The following MSI2 variants were observed in gnomAD, a reference collection of about 807,000 sequenced individuals.
The protein encoded by MSI2 is musashi RNA binding protein 2.
A neutral mutation model predicts 45.6 loss-of-function variants in MSI2; 17 were observed. The observed-to-expected ratio is 0.37, with a 90% CI of 0.26 to 0.56. The LOEUF is 0.56. Ranked by LOEUF, MSI2 falls within the 20% of genes least tolerant of loss-of-function variation. The pLI, the probability that MSI2 is intolerant of heterozygous loss-of-function variation, is 0.77. For missense variants in MSI2, 293 were observed against 444.2 expected (o/e 0.66, Z 3.06); for synonymous variants, 156 against 158.2 (o/e 0.99, Z 0.11).
At chr17:57,363,766 C>T (rs907758383) in intron 5 of MSI2, among the ~76,000 whole-genome samples, 1 of 134,936 alleles carries the variant, frequency 7.4e-6, no homozygotes, top group African/African-American at 3.1e-5. Context: ...GCAACAACAA[C>T]AACAACAAAC....
intron 11 of MSI2, among the ~76,000 whole-genome samples, chr17:57,656,123 G>A (rs1248801607): frequency 1.3e-5 from 2 of 152,074 alleles, no homozygotes; most frequent in South Asian, 2.1e-4. Context: ...AGGATAGTGC[G>A]GGGACCAGGA....
the MSI2 span, among the ~76,000 whole-genome samples, chr17:57,694,645 T>C: frequency 6.6e-6 from 1 of 152,170 alleles, no homozygotes; most frequent in Non-Finnish European, 1.5e-5. Flanking sequence ...AGACATACAT[T>C]GAAAGTATGT....
chr17:57,324,858 G>C (rs1242640736), intron 5 of MSI2, among the ~76,000 whole-genome samples: 1 of 152,216 alleles, frequency 6.6e-6, no homozygotes, highest in Non-Finnish European at 1.5e-5. Flanking sequence ...GGCAGGGACT[G>C]ACTGGGCCAC....
chr17:57,261,314 T>C (rs960214951), intron 4 of MSI2, among the ~76,000 whole-genome samples: 1 of 152,186 alleles, frequency 6.6e-6, no homozygotes, highest in African/African-American at 2.4e-5. Flanking sequence ...GGGAATTCCC[T>C]ACTTGTTGCA....
intron 6 of MSI2, among the ~76,000 whole-genome samples, chr17:57,431,536 T>C (rs952276499): frequency 6.6e-6 from 1 of 152,138 alleles, no homozygotes; most frequent in African/African-American, 2.4e-5. Flanking sequence ...TTATATAACC[T>C]GCATGTGGGT....
chr17:57,537,111 T>A (rs1598378438), intron 7 of MSI2, among the ~76,000 whole-genome samples: 1 of 152,202 alleles, frequency 6.6e-6, no homozygotes, highest in African/African-American at 2.4e-5. Context: ...GTAGCCTCAA[T>A]GTTGGGCACA....
Position 57,332,973 on chromosome 17 carries a change from C to T in MSI2, c.313-68406C>T, listed in dbSNP as rs555503694. On this transcript the variant is annotated intron_variant, in intron 5 of 13. Transcript: ENST00000284073. ...CTGGAAGGCAGAGGTTGCAGTGAGC[C>T]GAGATCATGCCACTGCACTCCAGCC... Among the ~76,000 whole-genome samples, 28 of 151,888 alleles carry T rather than the reference C, an allele frequency of 1.8e-4. No individual in the cohort carries two copies. In the South Asian group the frequency reaches 2.3e-3, roughly 12 times the overall value.
intron 5 of MSI2, among the ~76,000 whole-genome samples, chr17:57,283,148 G>T (rs887645703): frequency 7.2e-5 from 11 of 151,968 alleles, no homozygotes; most frequent in Admixed American, 7.2e-4. Context: ...GGAAGAGGAG[G>T]GGGCTTCTGT....
intron 5 of MSI2, among the ~76,000 whole-genome samples, chr17:57,339,000 A>C (rs1473368419): frequency 6.6e-6 from 1 of 152,200 alleles, no homozygotes; most frequent in Non-Finnish European, 1.5e-5. Context: ...TCAGGCATCT[A>C]AAGAAGTGGT....
At chr17:57,445,975 A>G (rs894287416) in intron 6 of MSI2, among the ~76,000 whole-genome samples, 2 of 152,094 alleles carry the variant, frequency 1.3e-5, no homozygotes, top group Non-Finnish European at 2.9e-5. Context: ...TGTTCCGGGT[A>G]TTGGGGATAC....
intron 6 of MSI2, among the ~76,000 whole-genome samples, chr17:57,496,512 G>A (rs142671522): frequency 6.6e-6 from 1 of 152,370 alleles, no homozygotes; most frequent in East Asian, 1.9e-4. Context: ...GTTTTGACAA[G>A]CGAAGGAGGC....
At chr17:57,368,932 T>C (rs2083380231) in intron 5 of MSI2, among the ~76,000 whole-genome samples, 1 of 152,136 alleles carries the variant, frequency 6.6e-6, no homozygotes, top group Admixed American at 6.5e-5. Context: ...ATGCCTGAAA[T>C]ATCAGTGTGT....
At chr17:57,616,548 T>G (rs1339005871) in intron 9 of MSI2, 1 of 152,212 alleles carries the variant, frequency 6.6e-6, no homozygotes. Context: ...CCTGTCTATT[T>G]AAATGATTAA....
intron 5 of MSI2, among the ~76,000 whole-genome samples, chr17:57,349,747 C>G (rs1444222203): frequency 2.0e-5 from 3 of 152,230 alleles, no homozygotes; most frequent in Non-Finnish European, 1.5e-5. Context: ...TGTCTGCTCA[C>G]AACCAGGAAC....
In MSI2 at chr17:57,492,151, G is replaced by C. The variant is rs544606868; in HGVS notation, c.406-37525G>C. On this transcript the variant is annotated intron_variant, in intron 6 of 13. Coordinates refer to ENST00000284073, the MANE Select transcript of MSI2 (RefSeq NM_138962.4). ...CCTAAGTCTTTCATTTGTAATTCTT[G>C]ACAGTGTTCCTCTAGTAAAGCGAGG... Among the ~76,000 whole-genome samples, 23 of 152,286 alleles carry C rather than the reference G, an allele frequency of 1.5e-4. No homozygotes were observed. The South Asian group carries it at 4.6e-3, about 30-fold the overall frequency.
the MSI2 span, among the ~76,000 whole-genome samples, chr17:57,696,290 G>A: frequency 6.6e-6 from 1 of 152,336 alleles, no homozygotes; most frequent in Admixed American, 6.5e-5. Context: ...GGCAGAGTGT[G>A]GAAGGCTGAG....
chr17:57,629,740 T>C (rs1909168658), intron 10 of MSI2: 1 of 152,886 alleles, frequency 6.5e-6, no homozygotes, highest in Admixed American at 6.5e-5. Context: ...GCTGGTGGCT[T>C]TTCCTCTCAC....
chr17:57,345,042 G>A (rs1352643600), intron 5 of MSI2, among the ~76,000 whole-genome samples: 1 of 151,924 alleles, frequency 6.6e-6, no homozygotes, highest in Non-Finnish European at 1.5e-5. Context: ...CAGCCTGGGC[G>A]ACAGGGCGAG....
rs562895910 is a variant in MSI2, at chr17:57,427,509, G to A, written c.405+26038G>A. ...AGCCTGGTTGCAGTTGAGGGTATGAGTGGGACCCTACTTCTCTCCCGCTGA... is the reference window on the plus strand; with the variant it reads ...AGCCTGGTTGCAGTTGAGGGTATGAATGGGACCCTACTTCTCTCCCGCTGA... On this transcript the variant is annotated intron_variant, in intron 6 of 13. Transcript: ENST00000284073. Among the ~76,000 whole-genome samples the A allele has an allele frequency of 3.9e-5, 6 of 152,310 alleles. No individual in the cohort carries two copies. In the East Asian group the frequency reaches 1.2e-3, roughly 29 times the overall value.
Sources: allele counts gnomAD v4.1 joint callset (sites outside exome capture counted in the v4.1 genomes callset), GRCh38; gene constraint gnomAD v4.1.1; transcripts MANE v1.5; gene names NCBI Gene and HGNC (gene_info 2026-07-23, HGNC 2026-07-21).